FBXO24: variants seen among roughly 807,000 people sequenced by gnomAD.
FBXO24 encodes F-box only protein 24.
FBXO24 carries 30 observed loss-of-function variants against 63.5 expected under a neutral mutation model. The ratio of observed to expected loss-of-function variants is 0.47; its 90% confidence interval spans 0.35 to 0.64. The LOEUF (loss-of-function observed/expected upper bound fraction) is 0.64, where lower values mean the gene tolerates loss of function less well. FBXO24 is among the 30% of genes least tolerant of loss of function. The probability of loss-of-function intolerance (pLI) is 0.00; values close to 1 mark genes in which losing one functional copy is unlikely to be tolerated. For synonymous variants in FBXO24, 300 were observed against 305.0 expected (o/e 0.98, Z 0.17); for missense variants, 624 against 763.4 (o/e 0.82, Z 2.15).
At chr7:100,590,102 A>G in intron 2 of FBXO24, 27 bp downstream of exon 2, 1 of 1,609,538 alleles carries the variant, frequency 6.2e-7, no homozygotes, top group African/African-American at 1.3e-5. Context: ...GGGGATTGAG[A>G]ATAATAGGAT....
chr7:100,601,041 G>T lies in FBXO24; in HGVS notation c.*142G>T. ...GCTAACCAGGGTAAGAATGTTCAGG[G>T]GGCTGCCCAGGAGGGGCCCCCAACC... On this transcript the variant is annotated 3_prime_UTR_variant, in exon 10 of 10. Transcript: ENST00000241071. 7.9e-7 allele frequency: 1 copy of T among 1,273,670 alleles called. No individual in the cohort carries two copies. Among genetic ancestry groups the T allele is most frequent in the Non-Finnish European group, 1.1e-6 (1 of 946,220 alleles). 78.9% of individuals were successfully genotyped at this position (1,273,670 alleles called of 1,614,324 possible).
At chr7:100,599,996 C>A in intron 8 of FBXO24, 35 bp from the exon 9 acceptor site, 1 of 1,176,310 alleles carries the variant, frequency 8.5e-7, no homozygotes, top group Non-Finnish European at 1.2e-6. Flanking sequence ...TCCCTTGGTG[C>A]TCCCTGCTCA....
chr7:100,600,811 A>G lies in FBXO24; in HGVS notation c.1655A>G (p.Gln552Arg). The G allele has an allele frequency of 2.5e-6, 4 of 1,614,150 alleles. No individual in the cohort carries two copies. The highest frequency in any genetic ancestry group is 3.4e-6 in the Non-Finnish European group (4 of 1,179,994). Residue 552 changes from glutamine to arginine, a missense_variant, in exon 10 of 10, where the codon CAG (glutamine) becomes CGG (arginine). Physicochemically the swap from Gln to Arg is conservative, Grantham distance 43. Around this residue, in one of 3 missense-constraint regions of FBXO24, gnomAD observed 216 missense variants for 245.2 expected, o/e 0.88. Transcript: ENST00000241071. This position sits in a 1 kb window ranked among gnomAD's most constrained non-coding sequence, Gnocchi z 6.3. Reference sequence around the variant, plus strand: ...GGGTGGATGCCCCTGATGGCCGCACAGAAGGACTTCTTCTGGGAGGCCCTG... The same window carrying G: ...GGGTGGATGCCCCTGATGGCCGCACGGAAGGACTTCTTCTGGGAGGCCCTG... ...IVGWMPLMAA[Q>R]KDFFWEALDM...
At chr7:100,589,527 G>T (rs1801893970) in intron 1 of FBXO24, 8 of 1,394,340 alleles carry the variant, frequency 5.7e-6, no homozygotes, top group Non-Finnish European at 7.5e-6. Flanking sequence ...AAGGGAACAG[G>T]TCACAGTGGC....
chr7:100,590,394 C>G, intron 3 of FBXO24, 37 bp downstream of exon 3: 1 of 1,574,168 alleles, frequency 6.4e-7, no homozygotes. Flanking sequence ...CTCCTTGCCT[C>G]TGTCCCGCCT....
chr7:100,588,742 A>G (rs756844758), intron 1 of FBXO24, among the ~76,000 whole-genome samples: 8 of 152,214 alleles, frequency 5.3e-5, no homozygotes, highest in Non-Finnish European at 7.4e-5. Context: ...TTCAGAGGAA[A>G]TCCATCCCTT....
At chr7:100,586,737 G>C (rs1584415927) in intron 1 of FBXO24, 73 bp downstream of exon 1, 3 of 1,527,284 alleles carry the variant, frequency 2.0e-6, no homozygotes, top group African/African-American at 1.4e-5. Flanking sequence ...GCAGTTCGCC[G>C]CTGCAGTGGC....
Position 100,590,428 on chromosome 7 carries a change from C to T in FBXO24, c.322+71C>T, listed in dbSNP as rs540517738. 2.0e-6 allele frequency: 3 copies of T among 1,476,728 alleles called. No individual in the cohort carries two copies. In the East Asian group the frequency reaches 6.9e-5, roughly 34 times the overall value. 91.5% of individuals were successfully genotyped at this position (1,476,728 alleles called of 1,614,324 possible). On this transcript the variant is annotated intron_variant, in intron 3 of 9. Coordinates refer to ENST00000241071, the MANE Select transcript of FBXO24 (RefSeq NM_033506.3). Reference sequence around the variant, plus strand: ...CTTAGCCTTCCTGCTCTCTAAAGTCCCCTGATGACCCCCACACTCCCAACA... The same window carrying T: ...CTTAGCCTTCCTGCTCTCTAAAGTCTCCTGATGACCCCCACACTCCCAACA...
chr7:100,593,102 C>G, intron 5 of FBXO24, 85 bp downstream of exon 5: 2 of 1,145,290 alleles, frequency 1.7e-6, no homozygotes, highest in Non-Finnish European at 2.6e-6. Context: ...GGAGGCCCCT[C>G]AGACTGGGTT....
chr7:100,589,923 G>C, intron 1 of FBXO24, 54 bp from the exon 2 acceptor site: 6 of 1,577,280 alleles, frequency 3.8e-6, no homozygotes, highest in Non-Finnish European at 5.2e-6. Flanking sequence ...GCGGAGAGAA[G>C]GGAAAAAAGG....
Position 100,600,594 on chromosome 7 carries a change from C to A in FBXO24, c.1438C>A (p.His480Asn). Residue 480 changes from histidine to asparagine, a missense_variant, in exon 10 of 10, where the codon CAC becomes AAC. Coordinates refer to ENST00000241071, the MANE Select transcript of FBXO24 (RefSeq NM_033506.3). The surrounding 1 kb of genome is among the most constrained non-coding windows in gnomAD (Gnocchi z 6.3). The stretch of plus-strand genomic sequence containing the variant: ...GGAGTGCCTATACATCCTGTCCAGC[C>A]ACGACATTGAGCAGCACGCCCCCTA... ...TRECLYILSSHDIEQHAPYRH... is the reference protein window; with the variant it reads ...TRECLYILSSNDIEQHAPYRH... 1 of 1,609,578 alleles carries A rather than the reference C, an allele frequency of 6.2e-7. No homozygotes were observed. Among genetic ancestry groups the A allele is most frequent in the Non-Finnish European group, 8.5e-7 (1 of 1,177,212 alleles).
rs750143520 is a variant in FBXO24, at chr7:100,592,844, G to A, written c.620G>A (p.Arg207Gln). ...YRKYLYVLAT[R>Q]EPQEVVGTTS... ...AAATACCTCTACGTCTTGGCCACTC[G>A]GGAGCCGCAGGAAGTGGTGGGTACC... is the stretch of plus-strand genomic sequence containing the variant. The change falls in exon 5 of 10, where the codon CGG becomes CAG. Residue 207 changes from arginine to glutamine, a missense_variant. By Grantham distance (43) the Arg-to-Gln change is conservative. This residue lies in a region of FBXO24 where 391 missense variants were observed against 469.1 expected (regional missense o/e 0.83). Transcript: ENST00000241071. 17 of 1,614,014 alleles carry A rather than the reference G, an allele frequency of 1.1e-5. No individual in the cohort carries two copies. The highest frequency in any genetic ancestry group is 1.6e-4 in the Middle Eastern group (1 of 6,084).
At chr7:100,597,387 A>C (rs898303903) in intron 8 of FBXO24, among the ~76,000 whole-genome samples, 1 of 152,020 alleles carries the variant, frequency 6.6e-6, no homozygotes, top group African/African-American at 2.4e-5. Context: ...AGTACCATTT[A>C]TTTTTATTTT....
chr7:100,591,914 A>G lies in FBXO24; in HGVS notation c.558+12A>G. The G allele has an allele frequency of 3.1e-6, 5 of 1,613,670 alleles. No homozygotes were observed. The highest frequency in any genetic ancestry group is 4.2e-6 in the Non-Finnish European group (5 of 1,179,564). On this transcript the variant is annotated intron_variant, in intron 4 of 9. Coordinates refer to ENST00000241071, the MANE Select transcript of FBXO24 (RefSeq NM_033506.3). ...GTGGAGCCAAGGATGTGAGTAGCAG[A>G]ACCCTGGCAGCTGAGAGCCCACCTG...
intron 1 of FBXO24, chr7:100,589,491 T>G: frequency 2.3e-6 from 3 of 1,298,740 alleles, no homozygotes; most frequent in African/African-American, 1.5e-5. Context: ...AGGAGCTGTC[T>G]AAGAGATGGG....
rs1339262317 is a variant in FBXO24, at chr7:100,594,930, C to A, written c.953-172C>A. Among the ~76,000 whole-genome samples the A allele has an allele frequency of 6.6e-6, 1 of 152,148 alleles. No homozygotes were observed. The highest frequency in any genetic ancestry group is 1.5e-5 in the Non-Finnish European group (1 of 68,018). On this transcript the variant is annotated intron_variant, in intron 6 of 9. Coordinates refer to ENST00000241071, the MANE Select transcript of FBXO24 (RefSeq NM_033506.3). This position sits in a 1 kb window ranked among gnomAD's most constrained non-coding sequence, Gnocchi z 4.2. ...TGCCACTTCGCTCCAGCCTGGGTGA[C>A]CGAGGGAGACTCGGTCTCAAAAGAT...
rs138485646 is a variant in FBXO24 at position 100,599,178 on chromosome 7, C to T, written c.1207-853C>T. Among the ~76,000 whole-genome samples the T allele has an allele frequency of 3.0e-3, 459 of 152,208 alleles. 2 individuals carry two copies. The highest frequency in any genetic ancestry group is 0.011 in the African/African-American group (444 of 41,526). On this transcript the variant is annotated intron_variant, in intron 8 of 9. Coordinates refer to ENST00000241071, the MANE Select transcript of FBXO24 (RefSeq NM_033506.3). Reference sequence around the variant, plus strand: ...CTGAGGCAGAAGAATGGCTTGAGCCCAGGAGGTCAAGGCTGCAGTGAGCTA... The same window carrying T: ...CTGAGGCAGAAGAATGGCTTGAGCCTAGGAGGTCAAGGCTGCAGTGAGCTA...
In FBXO24 at chr7:100,600,667, T is replaced by A. The variant is rs1562823848; in HGVS notation, c.1511T>A (p.Leu504Gln). 6.2e-7 allele frequency: 1 copy of A among 1,613,992 alleles called. No individual in the cohort carries two copies. Among genetic ancestry groups the A allele is most frequent in the Admixed American group, 1.7e-5 (1 of 60,010 alleles). The change falls in exon 10 of 10, where the codon CTG (leucine) becomes CAG (glutamine). Residue 504 changes from leucine (L) to glutamine (Q), a missense_variant. Physicochemically the swap from Leu to Gln is moderately radical, Grantham distance 113. Coordinates refer to ENST00000241071, the MANE Select transcript of FBXO24 (RefSeq NM_033506.3). The surrounding 1 kb of genome is among the most constrained non-coding windows in gnomAD (Gnocchi z 6.3). Reference protein sequence around the residue: ...SRVVGTPEPSLGARAPQDPGG... With the variant: ...SRVVGTPEPSQGARAPQDPGG... The stretch of plus-strand genomic sequence containing the variant: ...GTGGTGGGGACTCCTGAGCCCAGCC[T>A]GGGGGCCAGAGCACCCCAGGACCCC...
chr7:100,591,105 T>G (rs916937991), intron 3 of FBXO24, among the ~76,000 whole-genome samples: 1 of 147,828 alleles, frequency 6.8e-6, no homozygotes, highest in South Asian at 2.2e-4. Flanking sequence ...TGGTGCAATC[T>G]TGGCTCAATG....
Sources: allele counts gnomAD v4.1 joint callset (sites outside exome capture counted in the v4.1 genomes callset), GRCh38; gene constraint gnomAD v4.1.1; regional missense constraint gnomAD v4.1.1; non-coding constraint Gnocchi (gnomAD v3.1); transcripts MANE v1.5; gene names NCBI Gene and HGNC (gene_info 2026-07-23, HGNC 2026-07-21).